Variants in CWC27 observed in about 807,000 individuals in gnomAD.
CWC27 encodes the protein CWC27 spliceosome associated cyclophilin.
CWC27 carries 47 observed loss-of-function variants against 63.6 expected under a neutral mutation model. The ratio of observed to expected loss-of-function variants is 0.74; its 90% CI spans 0.58 to 0.94. The LOEUF is 0.94. CWC27 is among the 40% of genes least tolerant of loss of function. The pLI, the probability that CWC27 is intolerant of heterozygous loss-of-function variation, is 0.00. For missense variants in CWC27, 495 were observed against 554.3 expected (o/e 0.89, Z 1.07); for synonymous variants, 175 against 179.8 (o/e 0.97, Z 0.22).
intron 12 of CWC27, among the ~76,000 whole-genome samples, chr5:64,974,287 C>T (rs1013250041): frequency 6.6e-6 from 1 of 151,850 alleles, no homozygotes. Flanking sequence ...TGTATTAGTC[C>T]ATTTTCACAC....
chr5:65,014,358 T>C (rs1199864085), intron 13 of CWC27, among the ~76,000 whole-genome samples: 2 of 148,332 alleles, frequency 1.3e-5, no homozygotes, highest in African/African-American at 2.5e-5. Context: ...CTATATATTA[T>C]ATATAACCAT....
chr5:64,796,743 TCCTCCCTC>T (rs150451609), intron 7 of CWC27, among the ~76,000 whole-genome samples: 27 of 119,710 alleles, frequency 2.3e-4, no homozygotes, highest in African/African-American at 7.0e-4. Flanking sequence ...TGTCCCTTCC[TCCTCCCTC>T]CCTCCCTCCC....
At chr5:64,973,391 T>C (rs16893286) in intron 12 of CWC27, among the ~76,000 whole-genome samples, 1 of 152,210 alleles carries the variant, frequency 6.6e-6, no homozygotes, top group African/African-American at 2.4e-5. Context: ...GAGACTCTTG[T>C]GTTAGATATG....
chr5:64,929,575 G>T (rs1218305386), intron 11 of CWC27, among the ~76,000 whole-genome samples: 1 of 152,128 alleles, frequency 6.6e-6, no homozygotes, highest in African/African-American at 2.4e-5. Flanking sequence ...CTCTGAAAAA[G>T]ATATGCAAAT....
intron 9 of CWC27, among the ~76,000 whole-genome samples, chr5:64,803,525 G>A (rs1037992502): frequency 3.3e-5 from 5 of 152,298 alleles, no homozygotes; most frequent in African/African-American, 1.2e-4. Context: ...GAGTACTGGA[G>A]GTAAGTGTGT....
intron 11 of CWC27, among the ~76,000 whole-genome samples, chr5:64,896,921 G>A (rs1186595559): frequency 6.6e-6 from 1 of 152,096 alleles, no homozygotes; most frequent in East Asian, 1.9e-4. Context: ...TCAAAATATT[G>A]GACAATCAAG....
At chr5:65,002,419 G>C (rs1229140002) in intron 13 of CWC27, among the ~76,000 whole-genome samples, 1 of 151,890 alleles carries the variant, frequency 6.6e-6, no homozygotes, top group Non-Finnish European at 1.5e-5. Context: ...TTTGATGTTG[G>C]TGATTATTGC....
chr5:64,770,865 A>G (rs1007748589), intron 1 of CWC27, among the ~76,000 whole-genome samples: 3 of 152,254 alleles, frequency 2.0e-5, no homozygotes, highest in African/African-American at 4.8e-5. Context: ...ACATGGTCAT[A>G]TAGATGAAAA....
At chr5:64,874,775 A>G (rs566250547) in intron 10 of CWC27, among the ~76,000 whole-genome samples, 2 of 151,914 alleles carry the variant, frequency 1.3e-5, no homozygotes, top group East Asian at 1.9e-4. Flanking sequence ...AGTGAGCTAA[A>G]CATATGTATT....
At chr5:64,997,998 A>G (rs965937975) in intron 13 of CWC27, among the ~76,000 whole-genome samples, 5 of 152,174 alleles carry the variant, frequency 3.3e-5, no homozygotes, top group Non-Finnish European at 7.4e-5. Flanking sequence ...GGTCCTTTAT[A>G]AATAGGTCGT....
intron 11 of CWC27, among the ~76,000 whole-genome samples, chr5:64,899,298 A>C (rs1278541522): frequency 1.3e-5 from 2 of 152,226 alleles, no homozygotes; most frequent in Non-Finnish European, 2.9e-5. Flanking sequence ...TAAGTATAAC[A>C]GTAGTTGGAA....
chr5:65,005,070 A>C (rs1749818128), intron 13 of CWC27, among the ~76,000 whole-genome samples: 1 of 151,512 alleles, frequency 6.6e-6, no homozygotes, highest in South Asian at 2.1e-4. Flanking sequence ...TTGTTAGTGT[A>C]GGCTGTGGTG....
At chr5:64,787,704 A>G (rs909198055) in intron 6 of CWC27, among the ~76,000 whole-genome samples, 2 of 152,138 alleles carry the variant, frequency 1.3e-5, no homozygotes, top group African/African-American at 4.8e-5. Context: ...CTGTCTGTAT[A>G]TACTGCAGAG....
chr5:64,944,149 C>T (rs1157319194), intron 11 of CWC27, among the ~76,000 whole-genome samples: 1 of 151,816 alleles, frequency 6.6e-6, no homozygotes, highest in East Asian at 1.9e-4. Flanking sequence ...CATGCTCTTT[C>T]ATCATTATGA....
At chr5:64,931,737 T>C (rs952664631) in intron 11 of CWC27, among the ~76,000 whole-genome samples, 1 of 152,098 alleles carries the variant, frequency 6.6e-6, no homozygotes, top group African/African-American at 2.4e-5. Flanking sequence ...CTAAAAATAA[T>C]AATATTGCTA....
chr5:64,991,183 G>A (rs944706852), intron 13 of CWC27, among the ~76,000 whole-genome samples: 1 of 152,198 alleles, frequency 6.6e-6, no homozygotes, highest in Non-Finnish European at 1.5e-5. Flanking sequence ...TGCTGATGTG[G>A]TTTAATCCTT....
chr5:64,870,276 G>T (rs1746637203), intron 10 of CWC27, among the ~76,000 whole-genome samples: 1 of 152,044 alleles, frequency 6.6e-6, no homozygotes, highest in Non-Finnish European at 1.5e-5. Flanking sequence ...TGTCATTGTA[G>T]TTATAGATGT....
intron 10 of CWC27, among the ~76,000 whole-genome samples, chr5:64,833,503 A>G (rs1034735236): frequency 6.6e-6 from 1 of 151,736 alleles, no homozygotes; most frequent in South Asian, 2.1e-4. Context: ...TTGGTGTGGT[A>G]TAAAGAGGTT....
chr5:64,782,015 C>T lies in CWC27; in HGVS notation c.234C>T (p.Ile78=). 2 of 1,545,014 alleles carry T rather than the reference C, an allele frequency of 1.3e-6. No individual in the cohort carries two copies. The highest frequency in any genetic ancestry group is 2.4e-5 in the South Asian group (2 of 82,478). ...GCACAGGGAGTGGTGGAGAGTCTATCTATGGAGCGCCATTCAAAGTAAGAC... is the reference window on the plus strand; with the variant it reads ...GCACAGGGAGTGGTGGAGAGTCTATTTATGGAGCGCCATTCAAAGTAAGAC... ...PTGTGSGGES[I]YGAPFKDEFH... Residue 78 remains isoleucine (I), a synonymous_variant, in exon 3 of 14, where the codon ATC becomes ATT. Transcript: ENST00000381070.
Sources: gnomAD v4.1 joint callset for allele counts (sites outside exome capture counted in the v4.1 genomes callset) on GRCh38, gnomAD v4.1.1 for gene constraint, MANE v1.5 for transcripts, NCBI Gene and HGNC (gene_info 2026-07-23, HGNC 2026-07-21) for gene names.